The following TRPM5 variants were observed in gnomAD, a reference collection of about 807,000 sequenced individuals.
TRPM5 encodes MLSN1 and TRP-related.
TRPM5 carries 121 observed loss-of-function variants against 124.9 expected under a neutral mutation model. The observed-to-expected ratio is 0.97, with a 90% CI of 0.84 to 1.13. TRPM5 has a LOEUF of 1.13. TRPM5 is among the 50% of genes most tolerant of loss of function. TRPM5 has a pLI of 0.00. For synonymous variants in TRPM5, 781 were observed against 700.5 expected, an observed-to-expected ratio of 1.11 and a Z score of -1.81; for missense variants, 1,643 against 1,589.1, an observed-to-expected ratio of 1.03 and a Z score of -0.58.
chr11:2,439,875 C>T, the TRPM5 span, among the ~76,000 whole-genome samples: 1 of 152,202 alleles, frequency 6.6e-6, no homozygotes, highest in Admixed American at 6.5e-5. Flanking sequence ...GACACCTGCA[C>T]TTCCATGTTC....
Position 2,404,826 on chromosome 11 carries a change from G to T in TRPM5, c.*111C>A, listed in dbSNP as rs117696543. The T allele has an allele frequency of 4.4e-4, 362 of 828,806 alleles. 3 individuals are homozygous for T. In the East Asian group the frequency reaches 7.6e-3, roughly 17 times the overall value. 51.3% of individuals were successfully genotyped at this position (828,806 alleles called of 1,614,324 possible). A position where few individuals can be genotyped will look rare whatever the true frequency, so the allele number is the denominator to read the frequency against. ...GCACCAGGAGGGCCATTGTCTGCTG[G>T]GGGGCTGGTGCCCCCTGGGGGGTTC... On this transcript the variant is annotated 3_prime_UTR_variant, in exon 24 of 24. Coordinates refer to ENST00000155858, the Ensembl canonical transcript of TRPM5.
chr11:2,438,292 A>C, the TRPM5 span, among the ~76,000 whole-genome samples: 2,624 of 152,278 alleles, frequency 0.017, 69 homozygotes, highest in African/African-American at 0.061. The surrounding 1 kb of genome is among the most constrained non-coding windows in gnomAD (Gnocchi z 5.9). Context: ...ACAAGGATGT[A>C]CACTCTCACC....
rs1850354602 is a variant in TRPM5 at position 2,407,859 on chromosome 11, AG to A, written c.2835del (p.Cys946AlafsTer26). On this transcript the variant is annotated frameshift_variant, in exon 19 of 24. Transcript: ENST00000155858. LOFTEE classifies it high-confidence loss of function. ...AGCCAGTTGGCATAGAGGCTGGGGC[AG>A]GATGGTGAGTCCTCCAGCAGCAGTG... The A allele has an allele frequency of 6.8e-6, 11 of 1,613,894 alleles. No individual in the cohort carries two copies. Among genetic ancestry groups the A allele is most frequent in the Non-Finnish European group, 9.3e-6 (11 of 1,180,004 alleles).
At chr11:2,414,553 C>T (rs1333419334) in intron 11 of TRPM5, among the ~76,000 whole-genome samples, 162 bp downstream of exon 16, 1 of 152,214 alleles carries the variant, frequency 6.6e-6, no homozygotes, top group Non-Finnish European at 1.5e-5. Context: ...GCCTCCACCC[C>T]AGGCAGAGCC....
exon 24 of TRPM5, chr11:2,404,842 T>C: frequency 1.9e-6 from 2 of 1,062,216 alleles, no homozygotes; most frequent in South Asian, 1.4e-5. Context: ...TGGTGCCCCC[T>C]GGGGGGTTCC....
chr11:2,432,864 G>A, the TRPM5 span, among the ~76,000 whole-genome samples: 1 of 152,228 alleles, frequency 6.6e-6, no homozygotes, highest in African/African-American at 2.4e-5. Flanking sequence ...AGCTGATGGT[G>A]GGGGCGTCAG....
exon 20 of TRPM5, chr11:2,407,224 G>A: frequency 6.2e-7 from 1 of 1,611,928 alleles, no homozygotes; most frequent in Non-Finnish European, 8.5e-7. Context: ...GGGCGCTCGT[G>A]GTACTCCACA....
chr11:2,404,787 G>T, exon 24 of TRPM5: 1 of 615,030 alleles, frequency 1.6e-6, no homozygotes, highest in Non-Finnish European at 2.9e-6. Flanking sequence ...CTTTGGGTGA[G>T]GGTCTGTGGT....
chr11:2,414,763 C>T lies in TRPM5; in HGVS notation c.1696G>A (p.Glu566Lys), dbSNP rs765974029. ...GCCTCGCGCGTGGCTCGGGCCGCCT[C>T]GGCCTCCGTCTCCAGGTGCGACATC... Residue 566 changes from glutamate (E) to lysine (K), a missense_variant, in exon 11 of 24, where the codon GAG becomes AAG. Transcript: ENST00000155858. 29 of 1,550,270 alleles carry T rather than the reference C, an allele frequency of 1.9e-5. No homozygotes were observed. Among genetic ancestry groups the T allele is most frequent in the East Asian group, 7.3e-5 (3 of 40,988 alleles).
chr11:2,417,689 C>T, intron 7 of TRPM5, 38 bp downstream of exon 12: 1 of 1,517,724 alleles, frequency 6.6e-7, no homozygotes, highest in South Asian at 1.2e-5. Context: ...ATGAAGCCCC[C>T]CAATGGCGCC....
chr11:2,408,531 C>T (rs1176097024), intron 18 of TRPM5, among the ~76,000 whole-genome samples: 1 of 152,240 alleles, frequency 6.6e-6, no homozygotes, highest in Admixed American at 6.5e-5. Context: ...AAGTCAAGAA[C>T]ATTCTTCAGG....
chr11:2,413,667 C>T (rs1850502376), intron 12 of TRPM5, 79 bp from the exon 18 acceptor site: 1 of 1,369,484 alleles, frequency 7.3e-7, no homozygotes, highest in Admixed American at 2.1e-5. Context: ...TGCCCTTCCC[C>T]CAGGTGCCTG....
At chr11:2,442,376 TACACAC>T in the TRPM5 span, among the ~76,000 whole-genome samples, 20,645 of 141,040 alleles carry the variant, frequency 0.15, 1,724 homozygotes, top group African/African-American at 0.24. This position sits in a 1 kb window ranked among gnomAD's most constrained non-coding sequence, Gnocchi z 5.9. Context: ...CATTCTTTGA[TACACAC>T]ACACACACAC....
rs368193412 is a variant in TRPM5, at chr11:2,411,647, C to A, written c.2595G>T (p.Val865=). ...CCCGGGGGCTCACCATGCGCTCTAC[C>A]ACGATGATCTTGGGGCCCAGCTGCT... Residue 865 remains valine (V), a synonymous_variant, in exon 17 of 24, where the codon GTG becomes GTT. Coordinates refer to ENST00000155858, the Ensembl canonical transcript of TRPM5. The A allele has an allele frequency of 3.1e-6, 5 of 1,612,562 alleles. No homozygotes were observed. In the African/African-American group the frequency reaches 6.7e-5, roughly 22 times the overall value.
intron 18 of TRPM5, among the ~76,000 whole-genome samples, chr11:2,408,573 C>G (rs1460220314): frequency 6.6e-6 from 1 of 152,204 alleles, no homozygotes; most frequent in Non-Finnish European, 1.5e-5. Context: ...AGGCTGAGCT[C>G]CCTCGGCCCT....
upstream of TRPM5, among the ~76,000 whole-genome samples, chr11:2,424,907 T>G (rs2522011): frequency 7.2e-5 from 11 of 152,114 alleles, no homozygotes; most frequent in Admixed American, 1.3e-4. Flanking sequence ...CTCAGCCCCC[T>G]CCTCCGGCCA....
At chr11:2,406,154 TC>T (rs1463421360) in intron 21 of TRPM5, 63 bp from the exon 27 acceptor site, 1 of 1,571,196 alleles carries the variant, frequency 6.4e-7, no homozygotes, top group Admixed American at 1.7e-5. Flanking sequence ...GTGGGGAGCC[TC>T]CCCATCCCCC....
rs2301698 is a variant in TRPM5, at chr11:2,416,195, T to G, written c.1010-171A>C. On this transcript the variant is annotated intron_variant, in intron 7 of 23. Coordinates refer to ENST00000155858, the Ensembl canonical transcript of TRPM5. The stretch of plus-strand genomic sequence containing the variant: ...GAGCACCAGCAGGAGGCACGAGACT[T>G]TGTACAAACCGCAGGAGAAAGCGTG... Among the ~76,000 whole-genome samples the G allele has an allele frequency of 0.49, 75,136 of 152,092 alleles. 18,764 individuals carry two copies. Among genetic ancestry groups the G allele is most frequent in the East Asian group, 0.68 (3,495 of 5,166 alleles).
At chr11:2,442,081 C>T in the TRPM5 span, among the ~76,000 whole-genome samples, 2 of 152,134 alleles carry the variant, frequency 1.3e-5, no homozygotes, top group Admixed American at 1.3e-4. The surrounding 1 kb of genome is among the most constrained non-coding windows in gnomAD (Gnocchi z 5.9). Flanking sequence ...TGCAGAAGAT[C>T]AAATAGGATT....
Sources: gnomAD v4.1 joint callset for allele counts (sites outside exome capture counted in the v4.1 genomes callset) on GRCh38, gnomAD v4.1.1 for gene constraint, Gnocchi (gnomAD v3.1) non-coding constraint, MANE v1.5 for transcripts, NCBI Gene and HGNC (gene_info 2026-07-23, HGNC 2026-07-21) for gene names.